SNX20: variants seen among roughly 807,000 people sequenced by gnomAD.
The protein encoded by SNX20 is sorting nexin-20.
A neutral mutation model predicts 24.5 loss-of-function variants in SNX20; 21 were observed. That is an observed-to-expected ratio of 0.86 (90% CI 0.61 to 1.23). The LOEUF is 1.23. SNX20 is among the 50% of genes most tolerant of loss of function. The pLI, the probability that SNX20 is intolerant of heterozygous loss-of-function variation, is 0.00. For missense variants in SNX20, 433 were observed against 430.8 expected, an observed-to-expected ratio of 1.00 and a Z score of -0.04; for synonymous variants, 206 against 192.8, an observed-to-expected ratio of 1.07 and a Z score of -0.57.
At position 50,673,195 on chromosome 16, in the gene SNX20, G is replaced by C. The variant is rs576901880; in HGVS notation, c.*211C>G. On this transcript the variant is annotated 3_prime_UTR_variant, in exon 4 of 4. Coordinates refer to ENST00000330943, the MANE Select transcript of SNX20 (RefSeq NM_182854.4). The surrounding 1 kb of genome is among the most constrained non-coding windows in gnomAD (Gnocchi z 4.1). The stretch of plus-strand genomic sequence containing the variant: ...GTGCACCTGTAATCCCAGCTACTTG[G>C]GAGGCTGAGGTGGGAGGATTGCTTG... The C allele has an allele frequency of 1.3e-6, 1 of 789,188 alleles. No individual in the cohort carries two copies. Among genetic ancestry groups the C allele is most frequent in the African/African-American group, 1.8e-5 (1 of 55,284 alleles). The allele number at this position is 789,188 out of a possible 1,614,324, so 48.9% of individuals were successfully genotyped here. A position where few individuals can be genotyped will look rare whatever the true frequency, so the allele number is the denominator to read the frequency against.
downstream of SNX20, chr16:50,667,057 C>A (rs1962930897): frequency 6.6e-6 from 1 of 152,214 alleles, no homozygotes; most frequent in Non-Finnish European, 1.5e-5. Context: ...ATCAGATTAA[C>A]CTGGGTTTTT....
At chr16:50,677,601 G>A (rs1180364888) in intron 1 of SNX20, 66 bp from the exon 2 acceptor site, 1 of 1,393,410 alleles carries the variant, frequency 7.2e-7, no homozygotes, top group East Asian at 2.7e-5. Context: ...CTCCTGGGGT[G>A]CCTAGGAGCT....
downstream of SNX20, chr16:50,669,409 A>C: frequency 2.3e-6 from 1 of 435,554 alleles, no homozygotes; most frequent in Non-Finnish European, 4.2e-6. Flanking sequence ...GCTCTTCTAA[A>C]CAACCAGCTC....
chr16:50,680,646 A>G (rs1183913054), intron 1 of SNX20, among the ~76,000 whole-genome samples: 3 of 152,154 alleles, frequency 2.0e-5, no homozygotes, highest in African/African-American at 7.2e-5. Context: ...CAGAGATCCC[A>G]GGATGTTGGA....
chr16:50,679,713 C>T (rs570895395), intron 1 of SNX20, among the ~76,000 whole-genome samples: 77 of 152,296 alleles, frequency 5.1e-4, no homozygotes, highest in African/African-American at 1.8e-3. Flanking sequence ...CTACAAGCCC[C>T]GTCCTGTTGA....
intron 1 of SNX20, among the ~76,000 whole-genome samples, chr16:50,679,332 G>A (rs1260781553): frequency 1.3e-5 from 2 of 152,244 alleles, no homozygotes; most frequent in Admixed American, 6.5e-5. Flanking sequence ...AGGGGTGAGA[G>A]CCGCTGGCCT....
At chr16:50,668,978 G>C (rs1962978059), downstream of SNX20, 1 of 1,546,322 alleles carries the variant, frequency 6.5e-7, no homozygotes, top group Non-Finnish European at 8.7e-7. Flanking sequence ...CCTAGGCCCA[G>C]CTGGATGACC....
chr16:50,674,899 C>A (rs77611759), intron 3 of SNX20, among the ~76,000 whole-genome samples: 12,142 of 152,166 alleles, frequency 0.08, 1,616 homozygotes, highest in African/African-American at 0.28. Flanking sequence ...GCATCTGACT[C>A]CAGAGCCAGA....
intron 1 of SNX20, among the ~76,000 whole-genome samples, chr16:50,679,350 G>A (rs930422519): frequency 6.6e-6 from 1 of 152,224 alleles, no homozygotes; most frequent in African/African-American, 2.4e-5. Flanking sequence ...CCTGGGAGAG[G>A]GGAGGTCAGC....
downstream of SNX20, chr16:50,669,003 G>A: frequency 1.3e-6 from 2 of 1,551,282 alleles, no homozygotes; most frequent in Non-Finnish European, 8.7e-7. Context: ...AGAGCTTCCT[G>A]GAATTTGGAT....
At position 50,677,422 on chromosome 16, in the gene SNX20, C is replaced by T. The variant is rs762502560; in HGVS notation, c.105G>A (p.Pro35=). The stretch of plus-strand genomic sequence containing the variant: ...CTAAGTGCCCGTCAGGTCCTGGGTG[C>T]GGGAGGTCGGGGCCAGTGGCTGGTG... The part of the protein sequence containing the change: ...QEAPATGPDL[P]HPGPDGHLDT... Residue 35 remains proline, a synonymous_variant, in exon 2 of 4, where the codon CCG becomes CCA. Coordinates refer to ENST00000330943, the MANE Select transcript of SNX20 (RefSeq NM_182854.4). 2.6e-5 allele frequency: 42 copies of T among 1,605,582 alleles called. No homozygotes were observed. The highest frequency in any genetic ancestry group is 3.2e-5 in the Non-Finnish European group (38 of 1,175,726).
Position 50,673,256 on chromosome 16 carries a change from G to C in SNX20, c.*150C>G. On this transcript the variant is annotated 3_prime_UTR_variant, in exon 4 of 4. Coordinates refer to ENST00000330943, the MANE Select transcript of SNX20 (RefSeq NM_182854.4). The surrounding 1 kb of genome is among the most constrained non-coding windows in gnomAD (Gnocchi z 4.1). ...TTTGAGGCTGCAGTGAGACATAATTGAGCCACTGCACTTCAGTCTGGGTGA... is the reference window on the plus strand; with the variant it reads ...TTTGAGGCTGCAGTGAGACATAATTCAGCCACTGCACTTCAGTCTGGGTGA... The C allele has an allele frequency of 8.0e-7, 1 of 1,255,726 alleles. No individual in the cohort carries two copies. Among genetic ancestry groups the C allele is most frequent in the East Asian group, 3.1e-5 (1 of 32,070 alleles). 77.8% of individuals were successfully genotyped at this position (1,255,726 alleles called of 1,614,324 possible).
chr16:50,673,994 C>T lies in SNX20; in HGVS notation c.363G>A (p.Ala121=), dbSNP rs745604169. 4 of 1,612,872 alleles carry T rather than the reference C, an allele frequency of 2.5e-6. No individual in the cohort carries two copies. Among genetic ancestry groups the T allele is most frequent in the Middle Eastern group, 3.3e-4 (2 of 6,060 alleles). Residue 121 remains alanine (A), a synonymous_variant, in exon 4 of 4, where the codon GCG becomes GCA. Coordinates refer to ENST00000330943, the MANE Select transcript of SNX20 (RefSeq NM_182854.4). The surrounding 1 kb of genome is among the most constrained non-coding windows in gnomAD (Gnocchi z 4.1). ...AVLERRYSDF[A]KLQKALLKTF... ...TCTTCAGCAGCGCTTTCTGGAGCTT[C>T]GCGAAGTCGGAATAGCGCCGTTCCA...
chr16:50,666,335 T>G (rs1215417965), exon 4 of SNX20: 1 of 152,344 alleles, frequency 6.6e-6, no homozygotes, highest in Non-Finnish European at 1.5e-5. Flanking sequence ...GATTCATAAA[T>G]ACAGTTTTTG....
downstream of SNX20, chr16:50,669,343 G>A (rs1962988763): frequency 3.6e-6 from 2 of 559,976 alleles, no homozygotes; most frequent in Non-Finnish European, 6.4e-6. Flanking sequence ...TATGGTGGAA[G>A]GGGAAGGGGG....
At chr16:50,677,558 G>A in intron 1 of SNX20, 23 bp from the exon 2 acceptor site, 1 of 1,516,756 alleles carries the variant, frequency 6.6e-7, no homozygotes, top group Non-Finnish European at 8.9e-7. Flanking sequence ...AAAGAGAACA[G>A]TGAGGACCCA....
At position 50,671,787 on chromosome 16, in the gene SNX20, G is replaced by A. The variant is rs1262652188; in HGVS notation, c.*1619C>T. ...TTGAGGGATATCTGTCCAAAGATGA[G>A]ACAGTCTGTTTCTAGTTTCCCATCC... On this transcript the variant is annotated 3_prime_UTR_variant, in exon 4 of 4. Coordinates refer to ENST00000330943, the MANE Select transcript of SNX20 (RefSeq NM_182854.4). 1.3e-5 allele frequency: 2 copies of A among 152,222 alleles called. No homozygotes were observed. The highest frequency in any genetic ancestry group is 2.9e-5 in the Non-Finnish European group (2 of 68,048). The allele number at this position is 152,222 out of a possible 1,614,324, so 9.4% of individuals were successfully genotyped here. A position where few individuals can be genotyped will look rare whatever the true frequency, so the allele number is the denominator to read the frequency against.
chr16:50,668,422 G>C, downstream of SNX20: 2 of 828,810 alleles, frequency 2.4e-6, no homozygotes, highest in South Asian at 5.8e-5. Context: ...GCGGGTTAGG[G>C]TGTAATAACA....
In SNX20 at chr16:50,673,324, T is replaced by G; in HGVS notation, c.*82A>C. On this transcript the variant is annotated 3_prime_UTR_variant, in exon 4 of 4. Coordinates refer to ENST00000330943, the MANE Select transcript of SNX20 (RefSeq NM_182854.4). This position sits in a 1 kb window ranked among gnomAD's most constrained non-coding sequence, Gnocchi z 4.1. ...AAATAACAAAAAAGAAAAGGAAAAA[T>G]AAAAAAAAAGAACCCCAAACAGCCC... The G allele has an allele frequency of 4.4e-6, 6 of 1,379,098 alleles. No homozygotes were observed. Among genetic ancestry groups the G allele is most frequent in the South Asian group, 1.9e-5 (1 of 53,652 alleles). The allele number at this position is 1,379,098 out of a possible 1,614,324, so 85.4% of individuals were successfully genotyped here. A position where few individuals can be genotyped will look rare whatever the true frequency, so the allele number is the denominator to read the frequency against.
Sources: allele counts gnomAD v4.1 joint callset (sites outside exome capture counted in the v4.1 genomes callset), GRCh38; gene constraint gnomAD v4.1.1; non-coding constraint Gnocchi (gnomAD v3.1); transcripts MANE v1.5; gene names NCBI Gene and HGNC (gene_info 2026-07-23, HGNC 2026-07-21).